SNX29: variants seen among roughly 807,000 people sequenced by gnomAD.
The protein encoded by SNX29 is sorting nexin-29.
In SNX29, 78 loss-of-function variants were observed where a neutral mutation model predicts 102.1. The ratio of observed to expected loss-of-function variants is 0.76; its 90% CI spans 0.64 to 0.92. The LOEUF (loss-of-function observed/expected upper bound fraction) is 0.92. SNX29 is among the 40% of genes least tolerant of loss of function. The probability of loss-of-function intolerance (pLI) is 0.00; values close to 1 mark genes in which losing one functional copy is unlikely to be tolerated. For synonymous variants in SNX29, 580 were observed against 414.5 expected, an observed-to-expected ratio of 1.40 and a Z score of -4.85; for missense variants, 1,280 against 1,061.7, an observed-to-expected ratio of 1.21 and a Z score of -2.86.
At chr16:12,486,545 G>C (rs1345963573) in intron 19 of SNX29, among the ~76,000 whole-genome samples, 1 of 152,250 alleles carries the variant, frequency 6.6e-6, no homozygotes, top group African/African-American at 2.4e-5. Context: ...TCGCTTGGCA[G>C]CGTCAAGGCT....
At chr16:12,209,170 G>T (rs1384985709) in intron 14 of SNX29, among the ~76,000 whole-genome samples, 1 of 152,166 alleles carries the variant, frequency 6.6e-6, no homozygotes, top group African/African-American at 2.4e-5. Flanking sequence ...TGAAACTCAC[G>T]GGTTGCAGGG....
chr16:12,384,536 G>C (rs930916641), intron 16 of SNX29, among the ~76,000 whole-genome samples: 16 of 152,292 alleles, frequency 1.1e-4, no homozygotes, highest in African/African-American at 3.8e-4. Context: ...TGTCGTTTCA[G>C]ATCTTTTGCC....
chr16:12,135,064 G>A (rs573603775), intron 13 of SNX29, among the ~76,000 whole-genome samples: 67 of 152,204 alleles, frequency 4.4e-4, no homozygotes, highest in Non-Finnish European at 7.2e-4. Flanking sequence ...GAAGAGCCAT[G>A]TCCCAGCTCA....
chr16:12,399,143 C>T (rs148952810), intron 17 of SNX29, among the ~76,000 whole-genome samples: 3 of 152,136 alleles, frequency 2.0e-5, no homozygotes, highest in African/African-American at 4.8e-5. Flanking sequence ...CTCCGCCTAC[C>T]GGGTTTAAGT....
chr16:12,545,586 C>T (rs576407286), intron 20 of SNX29: 3 of 152,358 alleles, frequency 2.0e-5, no homozygotes, highest in African/African-American at 7.2e-5. Context: ...GAACCCATTT[C>T]CTCTGGAATC....
chr16:12,199,028 T>TGG (rs926598947), intron 13 of SNX29, among the ~76,000 whole-genome samples: 2 of 152,086 alleles, frequency 1.3e-5, no homozygotes, highest in African/African-American at 4.8e-5. Flanking sequence ...TAATCTTACA[T>TGG]GGGGGTGGAT....
rs147280297 is a variant in SNX29, at chr16:12,210,611, C to G, written c.1678+10928C>G. 5.3e-5 allele frequency among the ~76,000 whole-genome samples: 8 copies of G among 152,164 alleles called. No homozygotes were observed. The South Asian group carries it at 6.2e-4, about 12-fold the overall frequency. ...CTCTCCCTCTGGACTCCTCCACTGC[C>G]GAGCTTCCACCACCTTTCTGGTCCC... On this transcript the variant is annotated intron_variant, in intron 14 of 20. Coordinates refer to ENST00000566228, the MANE Select transcript of SNX29 (RefSeq NM_032167.5).
At position 12,568,669 on chromosome 16, in the gene SNX29, C is replaced by G; in HGVS notation, c.*40C>G. 1 of 1,590,468 alleles carries G rather than the reference C, an allele frequency of 6.3e-7. No individual in the cohort carries two copies. The highest frequency in any genetic ancestry group is 8.5e-7 in the Non-Finnish European group (1 of 1,174,964). ...CAGCCACGGGCCCTGTGCGTGGCAC[C>G]AGCTGCGTCCACCCCAGCCACTGCC... On this transcript the variant is annotated 3_prime_UTR_variant, in exon 21 of 21. Transcript: ENST00000566228.
chr16:12,078,295 C>A (rs148509236), intron 10 of SNX29, among the ~76,000 whole-genome samples: 1 of 151,488 alleles, frequency 6.6e-6, no homozygotes, highest in Admixed American at 6.6e-5. Context: ...GCCAACTTGG[C>A]GAAACCCCAT....
intron 19 of SNX29, among the ~76,000 whole-genome samples, chr16:12,500,184 G>T (rs1183954887): frequency 6.6e-6 from 1 of 151,990 alleles, no homozygotes; most frequent in African/African-American, 2.4e-5. Flanking sequence ...TTTATGCAGC[G>T]ACAAGGTCTG....
Position 12,177,137 on chromosome 16 carries a change from A to AT in SNX29, c.1596-22463dup, listed in dbSNP as rs202198627. 7.0e-3 allele frequency among the ~76,000 whole-genome samples: 1,061 copies of AT among 152,220 alleles called. 15 individuals are homozygous for AT. Among genetic ancestry groups the AT allele is most frequent in the African/African-American group, 0.024 (1,000 of 41,534 alleles). Reference sequence around the variant, plus strand: ...TAATCATTTTACTTTTTGTAGAGACATGGTCTCCTTGTGTTTTCTGGGCTG... The same window carrying AT: ...TAATCATTTTACTTTTTGTAGAGACATTGGTCTCCTTGTGTTTTCTGGGCTG... On this transcript the variant is annotated intron_variant, in intron 13 of 20. Transcript: ENST00000566228.
intron 13 of SNX29, among the ~76,000 whole-genome samples, chr16:12,177,678 G>A (rs1567281455): frequency 6.6e-6 from 1 of 152,212 alleles, no homozygotes; most frequent in South Asian, 2.1e-4. Context: ...GCAATTCAGT[G>A]GTTTTTTATA....
At chr16:12,345,628 C>A (rs2081774803) in intron 15 of SNX29, among the ~76,000 whole-genome samples, 1 of 152,144 alleles carries the variant, frequency 6.6e-6, no homozygotes, top group African/African-American at 2.4e-5. Context: ...GGGGGATGAT[C>A]TGTGGAGGAG....
At chr16:12,321,450 G>C (rs905081510) in intron 15 of SNX29, among the ~76,000 whole-genome samples, 2 of 152,198 alleles carry the variant, frequency 1.3e-5, no homozygotes, top group Non-Finnish European at 2.9e-5. Flanking sequence ...GCCTGGGAGT[G>C]AGGACAGGTG....
intron 18 of SNX29, among the ~76,000 whole-genome samples, chr16:12,473,265 G>A (rs1436647947): frequency 6.6e-6 from 1 of 152,200 alleles, no homozygotes; most frequent in Non-Finnish European, 1.5e-5. Context: ...TGTTGTTGTG[G>A]ATCAGCCATT....
At chr16:12,557,364 A>C (rs1391346590) in intron 20 of SNX29, 1 of 152,180 alleles carries the variant, frequency 6.6e-6, no homozygotes, top group Non-Finnish European at 1.5e-5. Flanking sequence ...GAGATGCTGA[A>C]TGGTTGAGGG....
intron 16 of SNX29, among the ~76,000 whole-genome samples, chr16:12,383,373 C>G (rs542295659): frequency 6.6e-6 from 1 of 151,924 alleles, no homozygotes; most frequent in African/African-American, 2.4e-5. Context: ...TCACTATATA[C>G]ATTACAGTTC....
intron 16 of SNX29, among the ~76,000 whole-genome samples, chr16:12,363,371 G>T (rs574113522): frequency 6.6e-6 from 1 of 152,254 alleles, no homozygotes; most frequent in East Asian, 1.9e-4. Context: ...CCTTTCCATG[G>T]GGCCTGGATC....
intron 15 of SNX29, among the ~76,000 whole-genome samples, chr16:12,331,438 G>A (rs1378652185): frequency 2.0e-5 from 3 of 152,158 alleles, no homozygotes; most frequent in Non-Finnish European, 4.4e-5. Context: ...ACGTATAGGT[G>A]CTGAGAGCAT....
Sources: gnomAD v4.1 joint callset for allele counts (sites outside exome capture counted in the v4.1 genomes callset) on GRCh38, gnomAD v4.1.1 for gene constraint, MANE v1.5 for transcripts, NCBI Gene and HGNC (gene_info 2026-07-23, HGNC 2026-07-21) for gene names.